The following VTI1A variants were observed in gnomAD, a reference collection of about 807,000 sequenced individuals.
VTI1A encodes the protein vesicle transport through interaction with t-SNAREs homolog 1A.
A neutral mutation model predicts 34.9 loss-of-function variants in VTI1A; 22 were observed. The observed-to-expected ratio is 0.63, with a 90% CI of 0.45 to 0.90. The LOEUF (loss-of-function observed/expected upper bound fraction) is 0.90, where lower values mean the gene tolerates loss of function less well. Ranked by LOEUF, VTI1A falls within the 40% of genes least tolerant of loss-of-function variation. VTI1A has a pLI of 0.00. For synonymous variants in VTI1A, 87 were observed against 97.3 expected (o/e 0.89, Z 0.62); for missense variants, 268 against 275.6 (o/e 0.97, Z 0.20).
intron 4 of VTI1A, among the ~76,000 whole-genome samples, chr10:112,533,809 G>T (rs1309282947): frequency 6.6e-6 from 1 of 150,588 alleles, no homozygotes; most frequent in African/African-American, 2.5e-5. Context: ...CCAAAAAAAA[G>T]GAGGAATAAT....
intron 5 of VTI1A, among the ~76,000 whole-genome samples, chr10:112,551,185 C>G (rs772428789): frequency 1.5e-5 from 2 of 136,356 alleles, no homozygotes; most frequent in African/African-American, 2.8e-5. Context: ...CGGAGCTTGC[C>G]GTGAGCAGAG....
chr10:112,637,614 G>A (rs534911185), intron 5 of VTI1A, among the ~76,000 whole-genome samples: 5 of 152,078 alleles, frequency 3.3e-5, no homozygotes, highest in East Asian at 1.9e-4. Context: ...TGCCGAGATC[G>A]CGCTACTGCA....
At position 112,767,280 on chromosome 10, in the gene VTI1A, G is replaced by A. The variant is rs1373942963; in HGVS notation, c.561-48010G>A. ...ATCATCTCCTGCTACAGATGGTAAG[G>A]CCAAGGCCCAAAGTCATGAACTAGT... On this transcript the variant is annotated intron_variant, in intron 7 of 7. Transcript: ENST00000393077. The surrounding 1 kb of genome is among the most constrained non-coding windows in gnomAD (Gnocchi z 4.0). Among the ~76,000 whole-genome samples, 1 of 152,174 alleles carries A rather than the reference G, an allele frequency of 6.6e-6. No homozygotes were observed. Among genetic ancestry groups the A allele is most frequent in the African/African-American group, 2.4e-5 (1 of 41,420 alleles).
intron 5 of VTI1A, among the ~76,000 whole-genome samples, chr10:112,567,085 A>G (rs1239379495): frequency 1.3e-5 from 2 of 152,178 alleles, no homozygotes; most frequent in Non-Finnish European, 2.9e-5. Context: ...GCTGGAATGC[A>G]GTGGTGTAAT....
At chr10:112,650,333 G>A (rs973157538) in intron 5 of VTI1A, among the ~76,000 whole-genome samples, 12 of 151,902 alleles carry the variant, frequency 7.9e-5, no homozygotes, top group Non-Finnish European at 1.0e-4. Flanking sequence ...TCTTCTACCC[G>A]CACAACTTGT....
intron 7 of VTI1A, among the ~76,000 whole-genome samples, chr10:112,700,593 A>G (rs1848976442): frequency 6.6e-6 from 1 of 152,198 alleles, no homozygotes; most frequent in South Asian, 2.1e-4. Flanking sequence ...TGCAAGCCCA[A>G]TTCTGAATAA....
intron 3 of VTI1A, among the ~76,000 whole-genome samples, chr10:112,471,189 A>G (rs1848062268): frequency 6.6e-6 from 1 of 152,086 alleles, no homozygotes; most frequent in South Asian, 2.1e-4. Context: ...ATCATAGAAT[A>G]TAATTTGTAG....
intron 7 of VTI1A, among the ~76,000 whole-genome samples, chr10:112,778,779 C>T (rs1852024860): frequency 6.6e-6 from 1 of 152,196 alleles, no homozygotes; most frequent in South Asian, 2.1e-4. Context: ...TACTGGGAGA[C>T]ATAAATAGCT....
At chr10:112,737,272 T>TG in intron 7 of VTI1A, 1 of 910,004 alleles carries the variant, frequency 1.1e-6, no homozygotes, top group Non-Finnish European at 1.3e-6. Context: ...TTTGTAGAGA[T>TG]GGAGTTTCAC....
intron 5 of VTI1A, among the ~76,000 whole-genome samples, chr10:112,667,262 G>A (rs1224728720): frequency 6.6e-6 from 1 of 152,132 alleles, no homozygotes; most frequent in Non-Finnish European, 1.5e-5. Flanking sequence ...GGGAAAAGGA[G>A]AGAGAGATGT....
chr10:112,794,943 A>G (rs1286185676), intron 7 of VTI1A, among the ~76,000 whole-genome samples: 3 of 152,232 alleles, frequency 2.0e-5, no homozygotes, highest in African/African-American at 7.2e-5. Context: ...ATGAAATATT[A>G]TCATATTACC....
chr10:112,737,435 C>CA, intron 7 of VTI1A: 1 of 1,038,538 alleles, frequency 9.6e-7, no homozygotes, highest in Non-Finnish European at 1.2e-6. Context: ...ATGAACTGAA[C>CA]AAAAAAGTTC....
intron 7 of VTI1A, among the ~76,000 whole-genome samples, chr10:112,673,587 A>C (rs1304581429): frequency 6.6e-6 from 1 of 152,248 alleles, no homozygotes; most frequent in South Asian, 2.1e-4. Context: ...TTTTGTAACT[A>C]ATCTGTAGTA....
chr10:112,837,078 T>A, the VTI1A span, among the ~76,000 whole-genome samples: 1 of 152,152 alleles, frequency 6.6e-6, no homozygotes, highest in Non-Finnish European at 1.5e-5. Context: ...ATCCCAGCAC[T>A]TTGGGAGACC....
chr10:112,734,361 C>A (rs1330139037), intron 7 of VTI1A, among the ~76,000 whole-genome samples: 1 of 152,064 alleles, frequency 6.6e-6, no homozygotes, highest in Non-Finnish European at 1.5e-5. Flanking sequence ...TGTCCTGTTT[C>A]CTCCCCCTAA....
rs1046210065 is a variant in VTI1A at position 112,817,844 on chromosome 10, A to G, written c.*2461A>G. ...GGAGCCCTTGTTAAAAATGATGTTT[A>G]AGGGAGTGGTTGGGGGGAAGATGAA... On this transcript the variant is annotated 3_prime_UTR_variant, in exon 8 of 8. Coordinates refer to ENST00000393077, the MANE Select transcript of VTI1A (RefSeq NM_145206.4). 4.3e-6 allele frequency: 1 copy of G among 232,864 alleles called. No homozygotes were observed. The highest frequency in any genetic ancestry group is 8.5e-6 in the Non-Finnish European group (1 of 117,564). 14.4% of individuals were successfully genotyped at this position (232,864 alleles called of 1,614,324 possible).
intron 7 of VTI1A, among the ~76,000 whole-genome samples, chr10:112,719,976 T>G (rs758008027): frequency 6.6e-6 from 1 of 152,244 alleles, no homozygotes; most frequent in Admixed American, 6.5e-5. Context: ...TTCTAGATAT[T>G]TCTTATAAAT....
At chr10:112,782,387 G>C (rs1035953110) in intron 7 of VTI1A, among the ~76,000 whole-genome samples, 4 of 152,252 alleles carry the variant, frequency 2.6e-5, no homozygotes, top group Non-Finnish European at 5.9e-5. Context: ...CTGCGTGAAG[G>C]CCCTTTGGCG....
chr10:112,560,324 C>T (rs1195338053), intron 5 of VTI1A, among the ~76,000 whole-genome samples: 3 of 152,126 alleles, frequency 2.0e-5, no homozygotes, highest in South Asian at 4.2e-4. Context: ...TTGATGCATT[C>T]GCATGTGAAA....
Sources: allele counts gnomAD v4.1 joint callset (sites outside exome capture counted in the v4.1 genomes callset), GRCh38; gene constraint gnomAD v4.1.1; non-coding constraint Gnocchi (gnomAD v3.1); transcripts MANE v1.5; gene names NCBI Gene and HGNC (gene_info 2026-07-23, HGNC 2026-07-21).